DAB1: variants seen among roughly 807,000 people sequenced by gnomAD.
DAB1 encodes the protein disabled homolog 1.
DAB1 carries 15 observed loss-of-function variants against 64.6 expected under a neutral mutation model. The observed-to-expected ratio is 0.23, with a 90% CI of 0.16 to 0.36. DAB1 has a LOEUF of 0.36. DAB1 is among the 10% of genes least tolerant of loss of function. The probability of loss-of-function intolerance (pLI) is 1.00; values close to 1 mark genes in which losing one functional copy is unlikely to be tolerated. For synonymous variants in DAB1, 235 were observed against 251.9 expected (o/e 0.93, Z 0.64); for missense variants, 596 against 706.7 (o/e 0.84, Z 1.78).
chr1:57,567,246 T>A (rs1489929050), intron 7 of DAB1, among the ~76,000 whole-genome samples: 1 of 152,168 alleles, frequency 6.6e-6, no homozygotes, highest in Non-Finnish European at 1.5e-5. Context: ...CTAAAAACTC[T>A]CAATAAATTA....
At chr1:57,254,182 A>T (rs1669584861) in intron 2 of DAB1, among the ~76,000 whole-genome samples, 1 of 152,192 alleles carries the variant, frequency 6.6e-6, no homozygotes, top group Non-Finnish European at 1.5e-5. Context: ...TCCAAATTCT[A>T]TGACTACCTC....
At chr1:57,859,519 C>T (rs1311312014) in intron 1 of DAB1, among the ~76,000 whole-genome samples, 1 of 152,128 alleles carries the variant, frequency 6.6e-6, no homozygotes, top group South Asian at 2.1e-4. Context: ...TGAGGCTTAA[C>T]AATTCCTCAG....
rs994124906 is a variant in DAB1, at chr1:58,093,698, A to G, written n.387+56813T>C. 5.7e-5 allele frequency among the ~76,000 whole-genome samples: 8 copies of G among 139,348 alleles called. No homozygotes were observed. In the East Asian group the frequency reaches 8.4e-4, roughly 15 times the overall value. 91.4% of individuals were successfully genotyped at this position (139,348 alleles called of 152,430 possible). A position where few individuals can be genotyped will look rare whatever the true frequency, so the allele number is the denominator to read the frequency against. ...GGGTGCAACCAAGGGTTCAAAAGGG[A>G]AAAAAAAAAAAAAGAAAACTGGAGA... On this transcript the variant is annotated intron_variant and non_coding_transcript_variant, in intron 5 of 20. Transcript: ENST00000485760.
At chr1:57,234,565 G>T (rs1667949527) in intron 2 of DAB1, among the ~76,000 whole-genome samples, 1 of 152,050 alleles carries the variant, frequency 6.6e-6, no homozygotes, top group South Asian at 2.1e-4. Context: ...TAAAGCATTT[G>T]TATTAGTTTC....
chr1:58,464,063 G>GA (rs1645270854), intron 3 of DAB1, among the ~76,000 whole-genome samples: 2 of 152,220 alleles, frequency 1.3e-5, no homozygotes, highest in South Asian at 4.1e-4. Context: ...TGGGCTGTAA[G>GA]GAGGACAGTT....
At chr1:58,426,064 A>C (rs1051619784) in intron 3 of DAB1, among the ~76,000 whole-genome samples, 5 of 152,236 alleles carry the variant, frequency 3.3e-5, no homozygotes, top group African/African-American at 1.2e-4. Flanking sequence ...TAAAGTTTGC[A>C]AGGCACTTTG....
At chr1:58,542,984 C>CT (rs11445971) in intron 1 of DAB1, among the ~76,000 whole-genome samples, 107,492 of 149,306 alleles carry the variant, frequency 0.72, 39,513 homozygotes, top group East Asian at 0.93. Flanking sequence ...AAACAAAAAG[C>CT]TTTTTTAAAA....
intron 1 of DAB1, chr1:58,536,500 TCTTACTA>T (rs1439805668): frequency 1.3e-5 from 11 of 863,010 alleles, no homozygotes; most frequent in Non-Finnish European, 2.0e-5. Flanking sequence ...TAAAAACAAC[TCTTACTA>T]CTTACTGCTT....
intron 7 of DAB1, among the ~76,000 whole-genome samples, chr1:57,612,168 T>G (rs568439079): frequency 6.6e-6 from 1 of 151,824 alleles, no homozygotes; most frequent in East Asian, 1.9e-4. Context: ...CCTATGCCAT[T>G]TTCACATATC....
At chr1:58,264,883 A>G (rs1250461438) in intron 4 of DAB1, among the ~76,000 whole-genome samples, 1 of 152,232 alleles carries the variant, frequency 6.6e-6, no homozygotes, top group African/African-American at 2.4e-5. Flanking sequence ...TGTATCTCTC[A>G]TAACTGATAA....
chr1:57,342,665 T>C (rs192779895), intron 1 of DAB1, among the ~76,000 whole-genome samples: 299 of 152,298 alleles, frequency 2.0e-3, no homozygotes, highest in African/African-American at 6.9e-3. Context: ...GTTACAGTTC[T>C]TAAAGGTGGC....
chr1:58,152,835 T>C (rs1655016704), intron 4 of DAB1, among the ~76,000 whole-genome samples: 1 of 152,200 alleles, frequency 6.6e-6, no homozygotes, highest in Admixed American at 6.5e-5. Flanking sequence ...AATATAGTTA[T>C]CTCAGTAACC....
chr1:57,207,387 T>C (rs568791398), intron 2 of DAB1, among the ~76,000 whole-genome samples: 79 of 151,566 alleles, frequency 5.2e-4, no homozygotes, highest in Non-Finnish European at 1.1e-3. Context: ...GAAAATACTT[T>C]CATGTTCATT....
chr1:58,452,518 T>C (rs1194649133), intron 3 of DAB1, among the ~76,000 whole-genome samples: 5 of 151,958 alleles, frequency 3.3e-5, no homozygotes, highest in East Asian at 1.9e-4. Flanking sequence ...TACAGTTTCA[T>C]ACAAAGCTAA....
At chr1:57,634,334 T>C (rs1476433988) in intron 7 of DAB1, among the ~76,000 whole-genome samples, 1 of 152,258 alleles carries the variant, frequency 6.6e-6, no homozygotes, top group Non-Finnish European at 1.5e-5. Flanking sequence ...ATCTGGGCTG[T>C]CACTTAATAG....
intron 7 of DAB1, among the ~76,000 whole-genome samples, chr1:57,578,480 G>C (rs1645276024): frequency 6.6e-6 from 1 of 152,166 alleles, no homozygotes; most frequent in African/African-American, 2.4e-5. Flanking sequence ...ATCCAGGCTG[G>C]ACACTTATCT....
At chr1:57,243,357 C>T (rs1038653072) in intron 2 of DAB1, among the ~76,000 whole-genome samples, 9 of 152,104 alleles carry the variant, frequency 5.9e-5, no homozygotes, top group African/African-American at 2.2e-4. Flanking sequence ...TGCATCTCTC[C>T]CACAGACATG....
intron 6 of DAB1, among the ~76,000 whole-genome samples, chr1:57,771,087 A>G (rs1649540790): frequency 6.6e-6 from 1 of 152,202 alleles, no homozygotes; most frequent in Non-Finnish European, 1.5e-5. Flanking sequence ...GGGCAGAGAT[A>G]TTGCATTAAT....
intron 7 of DAB1, among the ~76,000 whole-genome samples, chr1:57,636,512 G>A (rs1646059418): frequency 6.6e-6 from 1 of 152,206 alleles, no homozygotes; most frequent in African/African-American, 2.4e-5. Flanking sequence ...AATCAGTCAG[G>A]AGGTGCTTGC....
Sources: allele counts gnomAD v4.1 joint callset (sites outside exome capture counted in the v4.1 genomes callset), GRCh38; gene constraint gnomAD v4.1.1; transcripts MANE v1.5; gene names NCBI Gene and HGNC (gene_info 2026-07-23, HGNC 2026-07-21).